TK1: variants seen among roughly 807,000 people sequenced by gnomAD.
The protein encoded by TK1 is thymidine kinase 1, also known as thymidine kinase, cytosolic.
TK1 carries 13 observed loss-of-function variants against 22.4 expected under a neutral mutation model. The ratio of observed to expected loss-of-function variants is 0.58; its 90% confidence interval spans 0.38 to 0.92. TK1 has a LOEUF of 0.92. Ranked by LOEUF, TK1 falls within the 40% of genes least tolerant of loss-of-function variation. The pLI, the probability that TK1 is intolerant of heterozygous loss-of-function variation, is 0.00. For synonymous variants in TK1, 134 were observed against 125.4 expected (o/e 1.07, Z -0.46); for missense variants, 251 against 315.7 (o/e 0.80, Z 1.55).
chr17:78,174,672 T>C lies in TK1; in HGVS notation c.*87A>G, dbSNP rs2075684227. The C allele has an allele frequency of 6.9e-7, 1 of 1,439,570 alleles. No individual in the cohort carries two copies. The highest frequency in any genetic ancestry group is 2.6e-5 in the Admixed American group (1 of 38,996). 89.2% of individuals were successfully genotyped at this position (1,439,570 alleles called of 1,614,324 possible). A position where few individuals can be genotyped will look rare whatever the true frequency, so the allele number is the denominator to read the frequency against. On this transcript the variant is annotated 3_prime_UTR_variant, in exon 7 of 7. Coordinates refer to ENST00000301634, the MANE Select transcript of TK1 (RefSeq NM_003258.5). ...GTGGTCACCCTCCACGCCTCCCGAC[T>C]TCCTCCTGGAGTGGCTGGGCAGCAT... is the stretch of plus-strand genomic sequence containing the variant.
At chr17:78,180,218 G>A (rs953079898) in intron 4 of TK1, among the ~76,000 whole-genome samples, 16 of 152,328 alleles carry the variant, frequency 1.1e-4, no homozygotes, top group African/African-American at 3.1e-4. Context: ...GCTCCGCCAC[G>A]TCTCTTCCCC....
intron 4 of TK1, 31 bp from the exon 5 acceptor site, chr17:78,175,649 G>T: frequency 6.3e-7 from 1 of 1,596,294 alleles, no homozygotes; most frequent in Non-Finnish European, 8.6e-7. Context: ...AAGAGTGTGA[G>T]AGCTTCCACC....
chr17:78,179,639 G>A (rs1394473837), intron 4 of TK1: 1 of 985,348 alleles, frequency 1.0e-6, no homozygotes, highest in Non-Finnish European at 1.2e-6. Context: ...CTGGCCTTTT[G>A]AGGGGACAGG....
intron 2 of TK1, among the ~76,000 whole-genome samples, chr17:78,186,133 G>GGGGGT (rs940238084): frequency 1.3e-5 from 2 of 152,040 alleles, no homozygotes; most frequent in African/African-American, 4.8e-5. Flanking sequence ...GGAGGCGGGG[G>GGGGGT]GGTGCACGCC....
intron 3 of TK1, among the ~76,000 whole-genome samples, chr17:78,184,553 C>T (rs1020963377): frequency 6.6e-6 from 1 of 151,968 alleles, no homozygotes; most frequent in African/African-American, 2.4e-5. Context: ...TGCCAGGTGA[C>T]GGGGGAGCCA....
chr17:78,174,860 T>C lies in TK1; in HGVS notation c.604A>G (p.Asn202Asp). The C allele has an allele frequency of 1.2e-6, 2 of 1,613,874 alleles. No homozygotes were observed. Among genetic ancestry groups the C allele is most frequent in the Non-Finnish European group, 1.7e-6 (2 of 1,179,840 alleles). Residue 202 changes from asparagine (N) to aspartate (D), a missense_variant, in exon 7 of 7, where the codon AAC (asparagine) becomes GAC (aspartate). Physicochemically the swap from Asn to Asp is conservative, Grantham distance 23. Transcript: ENST00000301634. ...KASGQPAGPD[N>D]KENCPVPGKP... is the part of the protein sequence containing the mutation. Reference sequence around the variant, plus strand: ...CCTGGCACTGGGCAGTTCTCTTTGTTGTCCGGCCCGGCAGGCTGGCCTGAG... The same window carrying C: ...CCTGGCACTGGGCAGTTCTCTTTGTCGTCCGGCCCGGCAGGCTGGCCTGAG...
At chr17:78,186,851 G>A (rs1329096000) in intron 1 of TK1, 33 bp from the exon 2 acceptor site, 1 of 1,573,260 alleles carries the variant, frequency 6.4e-7, no homozygotes, top group African/African-American at 1.4e-5. Flanking sequence ...TTGAGGGCCC[G>A]CCCTGCGCGG....
rs754618626 is a variant in TK1 at position 78,182,660 on chromosome 17, C to T, written c.232G>A (p.Ala78Thr). Residue 78 changes from alanine (A) to threonine (T), a missense_variant, in exon 4 of 7, where the codon GCC becomes ACC. By Grantham distance (58) the Ala-to-Thr change is moderately conservative. Transcript: ENST00000301634. Reference protein sequence around the residue: ...HDRNTMEALPACLLRDVAQEA... With the variant: ...HDRNTMEALPTCLLRDVAQEA... ...TGGGCCACGTCTCGGAGCAGGCAGGCGGGCAGTGCCTCCATGGTGTTCCTG... is the reference window on the plus strand; with the variant it reads ...TGGGCCACGTCTCGGAGCAGGCAGGTGGGCAGTGCCTCCATGGTGTTCCTG... 5.0e-6 allele frequency: 8 copies of T among 1,590,710 alleles called. No individual in the cohort carries two copies. The highest frequency in any genetic ancestry group is 3.4e-5 in the South Asian group (3 of 87,976).
Position 78,174,669 on chromosome 17 carries a change from G to A in TK1, c.*90C>T. On this transcript the variant is annotated 3_prime_UTR_variant, in exon 7 of 7. Coordinates refer to ENST00000301634, the MANE Select transcript of TK1 (RefSeq NM_003258.5). ...GGTGTGGTCACCCTCCACGCCTCCC[G>A]ACTTCCTCCTGGAGTGGCTGGGCAG... is the stretch of plus-strand genomic sequence containing the variant. 7.0e-6 allele frequency: 10 copies of A among 1,430,578 alleles called. No individual in the cohort carries two copies. Among genetic ancestry groups the A allele is most frequent in the South Asian group, 4.3e-5 (3 of 69,824 alleles). 88.6% of individuals were successfully genotyped at this position (1,430,578 alleles called of 1,614,324 possible). A position where few individuals can be genotyped will look rare whatever the true frequency, so the allele number is the denominator to read the frequency against.
rs111227637 is a variant in TK1, at chr17:78,179,096, C to T, written c.304-3478G>A. 5.0e-4 allele frequency: 465 copies of T among 936,304 alleles called. 2 individuals are homozygous for T. The African/African-American group carries it at 7.4e-3, about 15-fold the overall frequency. The allele number at this position is 936,304 out of a possible 1,614,324, so 58.0% of individuals were successfully genotyped here. On this transcript the variant is annotated intron_variant, in intron 4 of 6. Transcript: ENST00000301634. ...AAGGAGAAGGGAAAGGTTTCTGCCT[C>T]GGGGGTCTGGGTCAGCCTCTGTCAA...
At position 78,179,796 on chromosome 17, in the gene TK1, G is replaced by A. The variant is rs148487329; in HGVS notation, c.303+2793C>T. 5.3e-3 allele frequency: 5,186 copies of A among 976,860 alleles called. 15 individuals carry two copies. The highest frequency in any genetic ancestry group is 5.9e-3 in the Non-Finnish European group (4,856 of 822,318). The allele number at this position is 976,860 out of a possible 1,614,324, so 60.5% of individuals were successfully genotyped here. ...AGAACTAGACTAAGTGTGGCCAGGCGTGGTGGCTCACGCCTGTAATCCCAG... is the reference window on the plus strand; with the variant it reads ...AGAACTAGACTAAGTGTGGCCAGGCATGGTGGCTCACGCCTGTAATCCCAG... On this transcript the variant is annotated intron_variant, in intron 4 of 6. Transcript: ENST00000301634.
At chr17:78,182,744 C>T (rs913844914) in intron 3 of TK1, 62 bp from the exon 4 acceptor site, 2 of 1,319,314 alleles carry the variant, frequency 1.5e-6, no homozygotes, top group African/African-American at 1.5e-5. Flanking sequence ...AATGCAGGGG[C>T]CAGGGAATGG....
rs1271006145 is a variant in TK1 at position 78,184,964 on chromosome 17, G to A, written c.209+91C>T. On this transcript the variant is annotated intron_variant, in intron 3 of 6. Coordinates refer to ENST00000301634, the MANE Select transcript of TK1 (RefSeq NM_003258.5). ...GATTTGAATCATTCAATGTTCAAATGATTAACCATCCCCATTAAAGAGAGT... is the reference window on the plus strand; with the variant it reads ...GATTTGAATCATTCAATGTTCAAATAATTAACCATCCCCATTAAAGAGAGT... 9.1e-6 allele frequency: 9 copies of A among 989,906 alleles called. No homozygotes were observed. In the South Asian group the frequency reaches 1.0e-4, roughly 11 times the overall value. The allele number at this position is 989,906 out of a possible 1,614,324, so 61.3% of individuals were successfully genotyped here. A position where few individuals can be genotyped will look rare whatever the true frequency, so the allele number is the denominator to read the frequency against.
intron 3 of TK1, among the ~76,000 whole-genome samples, chr17:78,183,367 CTTTATA>C (rs1039599633): frequency 1.3e-5 from 2 of 152,108 alleles, no homozygotes; most frequent in Admixed American, 6.6e-5. Flanking sequence ...TTATATTTGT[CTTTATA>C]TTAATTATGT....
At chr17:78,182,156 C>T (rs1046138617) in intron 4 of TK1, among the ~76,000 whole-genome samples, 2 of 151,938 alleles carry the variant, frequency 1.3e-5, no homozygotes, top group Non-Finnish European at 2.9e-5. Flanking sequence ...GGGCGGATCA[C>T]CTGAGGTTGG....
intron 4 of TK1, chr17:78,179,079 G>T: frequency 1.2e-6 from 1 of 837,902 alleles, no homozygotes; most frequent in Non-Finnish European, 1.4e-6. Context: ...GGAAGGAGAA[G>T]GGAAAGGTTT....
intron 5 of TK1, 112 bp from the exon 6 acceptor site, chr17:78,175,281 G>T (rs2075690418): frequency 1.1e-5 from 15 of 1,405,110 alleles, no homozygotes; most frequent in Non-Finnish European, 1.1e-5. Context: ...TCTGACCTTA[G>T]TCCTTCCCCC....
In TK1 at chr17:78,174,586, A is replaced by G. The variant is rs563551180; in HGVS notation, c.*173T>C. 1.4e-6 allele frequency: 1 copy of G among 697,928 alleles called. No homozygotes were observed. Among genetic ancestry groups the G allele is most frequent in the South Asian group, 1.9e-5 (1 of 52,256 alleles). 43.2% of individuals were successfully genotyped at this position (697,928 alleles called of 1,614,324 possible). On this transcript the variant is annotated 3_prime_UTR_variant, in exon 7 of 7. Transcript: ENST00000301634. The stretch of plus-strand genomic sequence containing the variant: ...CTTTAAGCAGACCAGTGGGTAGGAG[A>G]GGAGGGAGCATGCGGCAGGTGGGGC...
chr17:78,185,800 G>T (rs1230839673), intron 2 of TK1, among the ~76,000 whole-genome samples: 2 of 152,182 alleles, frequency 1.3e-5, no homozygotes, highest in African/African-American at 2.4e-5. Flanking sequence ...AAAGCGCTGG[G>T]ATTAAAGGCG....
Sources: gnomAD v4.1 joint callset for allele counts (sites outside exome capture counted in the v4.1 genomes callset) on GRCh38, gnomAD v4.1.1 for gene constraint, MANE v1.5 for transcripts, NCBI Gene and HGNC (gene_info 2026-07-23, HGNC 2026-07-21) for gene names.